SLC9D1: variants seen among roughly 807,000 people sequenced by gnomAD.
The protein encoded by SLC9D1 is putative LAG1-interacting protein.
the SLC9D1 span, among the ~76,000 whole-genome samples, chr13:113,502,245 G>A: frequency 2.0e-5 from 3 of 152,062 alleles, no homozygotes; most frequent in East Asian, 1.9e-4. Flanking sequence ...ACAGAGTCTC[G>A]CACTGTCACC....
the SLC9D1 span, chr13:113,528,703 G>GATAAGAGGGTCCTTA: frequency 1.6e-4 from 25 of 151,672 alleles, no homozygotes; most frequent in East Asian, 2.9e-3. Context: ...GAGGGTCCTT[G>GATAAGAGGGTCCTTA]TGATAAGAGG....
At chr13:113,528,648 T>A in the SLC9D1 span, 1 of 152,226 alleles carries the variant, frequency 6.6e-6, no homozygotes, top group East Asian at 1.9e-4. Flanking sequence ...GGCAGGGCAC[T>A]TAGTGCAGCC....
the SLC9D1 span, among the ~76,000 whole-genome samples, chr13:113,509,659 A>G: frequency 1.3e-5 from 2 of 152,232 alleles, no homozygotes; most frequent in Non-Finnish European, 2.9e-5. Flanking sequence ...AAAAATATGA[A>G]TGAGCACTTC....
chr13:113,531,238 C>G, the SLC9D1 span, among the ~76,000 whole-genome samples: 2 of 152,240 alleles, frequency 1.3e-5, no homozygotes, highest in Non-Finnish European at 2.9e-5. Context: ...GGAGCCCTTC[C>G]TCACCTGTCC....
the SLC9D1 span, among the ~76,000 whole-genome samples, chr13:113,538,044 T>C: frequency 1.3e-5 from 2 of 151,726 alleles, no homozygotes; most frequent in Non-Finnish European, 2.9e-5. Context: ...TGGGGTATGC[T>C]TTATGTGATG....
At chr13:113,534,226 T>C in the SLC9D1 span, 3 of 1,612,746 alleles carry the variant, frequency 1.9e-6, no homozygotes, top group Non-Finnish European at 2.5e-6. Context: ...TGCCTTTATC[T>C]TCTTAATGTT....
At chr13:113,542,440 G>T in the SLC9D1 span, among the ~76,000 whole-genome samples, 1 of 152,188 alleles carries the variant, frequency 6.6e-6, no homozygotes, top group Non-Finnish European at 1.5e-5. Context: ...AAAGCGGCCA[G>T]ATCACCTTCA....
the SLC9D1 span, among the ~76,000 whole-genome samples, chr13:113,524,628 G>A: frequency 6.6e-6 from 1 of 152,104 alleles, no homozygotes; most frequent in Admixed American, 6.5e-5. Flanking sequence ...GAGCCACTGT[G>A]CCTGGCCATA....
the SLC9D1 span, among the ~76,000 whole-genome samples, chr13:113,538,902 G>A: frequency 6.6e-6 from 1 of 152,202 alleles, no homozygotes; most frequent in Non-Finnish European, 1.5e-5. Context: ...AGCCGCCGTG[G>A]ACACGCCGAT....
the SLC9D1 span, among the ~76,000 whole-genome samples, chr13:113,514,975 C>CCCAAAG: frequency 6.6e-6 from 1 of 152,338 alleles, no homozygotes; most frequent in South Asian, 2.1e-4. Flanking sequence ...GCCTCGGCCT[C>CCCAAAG]CCAAAGCGTT....
At chr13:113,501,041 A>G in the SLC9D1 span, among the ~76,000 whole-genome samples, 1 of 152,116 alleles carries the variant, frequency 6.6e-6, no homozygotes, top group Non-Finnish European at 1.5e-5. Flanking sequence ...CTGCAGGTGC[A>G]GCAGTGCCAG....
the SLC9D1 span, among the ~76,000 whole-genome samples, chr13:113,538,078 T>G: frequency 0.42 from 63,444 of 151,442 alleles, 14,944 homozygotes; most frequent in African/African-American, 0.64. Flanking sequence ...ATGCATTCGT[T>G]TGCCTTGTGT....
At chr13:113,540,173 C>A in the SLC9D1 span, among the ~76,000 whole-genome samples, 1 of 152,148 alleles carries the variant, frequency 6.6e-6, no homozygotes, top group African/African-American at 2.4e-5. Flanking sequence ...TGTGTCTTTG[C>A]TGCTGTGAAT....
the SLC9D1 span, chr13:113,503,759 T>C: frequency 3.4e-6 from 2 of 582,852 alleles, no homozygotes; most frequent in Admixed American, 3.3e-5. Context: ...ATAAAAAATA[T>C]CAGGTTTGAA....
the SLC9D1 span, among the ~76,000 whole-genome samples, chr13:113,541,680 C>T: frequency 1.9e-5 from 2 of 105,210 alleles, no homozygotes; most frequent in Admixed American, 2.0e-4. Flanking sequence ...GTGGATGATA[C>T]GCACACGATC....
chr13:113,516,283 G>A, the SLC9D1 span, among the ~76,000 whole-genome samples: 1 of 152,032 alleles, frequency 6.6e-6, no homozygotes, highest in Non-Finnish European at 1.5e-5. Context: ...TCCTATATAT[G>A]TCCAGGCATG....
chr13:113,538,767 G>A, the SLC9D1 span, among the ~76,000 whole-genome samples: 2 of 152,238 alleles, frequency 1.3e-5, no homozygotes, highest in African/African-American at 4.8e-5. Context: ...CAGGTTGGCC[G>A]GTGTCAGCCG....
the SLC9D1 span, chr13:113,524,218 C>T: frequency 2.2e-6 from 1 of 453,926 alleles, no homozygotes; most frequent in African/African-American, 2.0e-5. Context: ...GGATATTTGT[C>T]TGTTTCTCCT....
the SLC9D1 span, chr13:113,495,699 G>T: frequency 7.4e-6 from 12 of 1,612,858 alleles, no homozygotes; most frequent in East Asian, 2.7e-4. Flanking sequence ...CCGCGGGCGA[G>T]GGGTGGCTGC....
Sources: gnomAD v4.1 joint callset for allele counts (sites outside exome capture counted in the v4.1 genomes callset) on GRCh38, gnomAD v4.1.1 for gene constraint, MANE v1.5 for transcripts, NCBI Gene and HGNC (gene_info 2026-07-23, HGNC 2026-07-21) for gene names.